SPRED1: variants seen among roughly 807,000 people sequenced by gnomAD.
The protein encoded by SPRED1 is sprouty-related, EVH1 domain-containing protein 1.
A neutral mutation model predicts 52.3 loss-of-function variants in SPRED1; 18 were observed. That is an observed-to-expected ratio of 0.34 (90% CI 0.24 to 0.51). The LOEUF is 0.51. Among genes scored for constraint, SPRED1 ranks in the 20% least tolerant of loss-of-function variants. SPRED1 has a pLI of 0.97. For synonymous variants in SPRED1, 155 were observed against 179.7 expected (o/e 0.86, Z 1.10); for missense variants, 485 against 551.0 (o/e 0.88, Z 1.20).
chr15:38,335,971 A>C (rs1364435239), intron 4 of SPRED1, among the ~76,000 whole-genome samples: 2 of 152,146 alleles, frequency 1.3e-5, no homozygotes, highest in Non-Finnish European at 2.9e-5. Context: ...ATGTAAAAGC[A>C]GGCTTACAAA....
Position 38,252,923 on chromosome 15 carries a change from G to C in SPRED1, c.-263G>C, listed in dbSNP as rs1259798869. 5.2e-6 allele frequency: 3 copies of C among 575,526 alleles called. No individual in the cohort carries two copies. Among genetic ancestry groups the C allele is most frequent in the South Asian group, 2.0e-5 (1 of 49,996 alleles). 35.7% of individuals were successfully genotyped at this position (575,526 alleles called of 1,614,324 possible). ...TTTTCCCTTTCCACCGGGCCTCCTC[G>C]GATCCCTTGGCTGGGCACTGAGGCG... On this transcript the variant is annotated 5_prime_UTR_variant, in exon 1 of 7. Coordinates refer to ENST00000299084, the MANE Select transcript of SPRED1 (RefSeq NM_152594.3).
At chr15:38,350,947 C>T in intron 6 of SPRED1, 67 bp from the exon 7 acceptor site, 1 of 1,468,512 alleles carries the variant, frequency 6.8e-7, no homozygotes, top group Non-Finnish European at 9.3e-7. Context: ...ACACTGGCCC[C>T]ACCAAGGTGA....
intron 4 of SPRED1, among the ~76,000 whole-genome samples, chr15:38,337,399 A>G (rs766213600): frequency 1.3e-5 from 2 of 152,168 alleles, no homozygotes; most frequent in African/African-American, 2.4e-5. Flanking sequence ...TTTGTTTGCC[A>G]TATCAGACAC....
rs1435399553 is a variant in SPRED1, at chr15:38,273,708, C to T, written c.32+20491C>T. Among the ~76,000 whole-genome samples, 1 of 151,886 alleles carries T rather than the reference C, an allele frequency of 6.6e-6. No individual in the cohort carries two copies. The highest frequency in any genetic ancestry group is 1.5e-5 in the Non-Finnish European group (1 of 67,974). Reference sequence around the variant, plus strand: ...TAATTTGTAGCTAAATGATAATTAGCCCAGTTGGGTCTGGCATGAGATGTA... The same window carrying T: ...TAATTTGTAGCTAAATGATAATTAGTCCAGTTGGGTCTGGCATGAGATGTA... On this transcript the variant is annotated intron_variant, in intron 1 of 6. Coordinates refer to ENST00000299084, the MANE Select transcript of SPRED1 (RefSeq NM_152594.3).
intron 5 of SPRED1, among the ~76,000 whole-genome samples, chr15:38,341,549 A>T (rs924504901): frequency 6.6e-6 from 1 of 152,154 alleles, no homozygotes; most frequent in Non-Finnish European, 1.5e-5. Flanking sequence ...CAGAGGTAGA[A>T]TGAATAAAGA....
intron 2 of SPRED1, among the ~76,000 whole-genome samples, chr15:38,303,689 A>C (rs953252428): frequency 8.6e-5 from 13 of 151,988 alleles, no homozygotes; most frequent in Admixed American, 7.2e-4. Flanking sequence ...AAATATTATA[A>C]ATTTGCTAGT....
intron 1 of SPRED1, among the ~76,000 whole-genome samples, chr15:38,296,741 C>A (rs1296831257): frequency 6.6e-6 from 1 of 152,144 alleles, no homozygotes; most frequent in Non-Finnish European, 1.5e-5. Flanking sequence ...TCAGTATTAC[C>A]TCTCACCTGG....
chr15:38,265,138 A>G (rs1894282192), intron 1 of SPRED1, among the ~76,000 whole-genome samples: 1 of 152,208 alleles, frequency 6.6e-6, no homozygotes, highest in African/African-American at 2.4e-5. Flanking sequence ...GTTCACAACT[A>G]ACATAATCCT....
chr15:38,282,916 T>G (rs1359395295), intron 1 of SPRED1, among the ~76,000 whole-genome samples: 2 of 152,120 alleles, frequency 1.3e-5, no homozygotes, highest in Admixed American at 6.6e-5. Flanking sequence ...TGACACTGAT[T>G]TGAATCTAGT....
At chr15:38,337,508 T>C (rs1895945769) in intron 4 of SPRED1, among the ~76,000 whole-genome samples, 1 of 152,192 alleles carries the variant, frequency 6.6e-6, no homozygotes, top group Admixed American at 6.5e-5. Flanking sequence ...AATAGGTTAA[T>C]TCCAGCTATA....
intron 4 of SPRED1, among the ~76,000 whole-genome samples, chr15:38,329,126 T>C (rs1310956365): frequency 1.3e-5 from 2 of 152,134 alleles, no homozygotes; most frequent in African/African-American, 4.8e-5. Context: ...TGTTCAGATA[T>C]GCTGGATTGA....
chr15:38,351,287 A>C lies in SPRED1; in HGVS notation c.958A>C (p.Ile320Leu). Reference protein sequence around the residue: ...VFKTQPSSLKIKKSKRRKEDG... With the variant: ...VFKTQPSSLKLKKSKRRKEDG... The stretch of plus-strand genomic sequence containing the variant: ...TAAGACGCAGCCTTCCTCATTAAAA[A>C]TTAAGAAGTCAAAACGAAGAAAAGA... Residue 320 changes from isoleucine (I) to leucine (L), a missense_variant, in exon 7 of 7, where the codon ATT becomes CTT. Ile to Leu is a conservative substitution (Grantham distance 5). Around this residue, in one of 5 missense-constraint regions of SPRED1, gnomAD observed 205 missense variants for 245.2 expected, o/e 0.84. Transcript: ENST00000299084. 6.2e-7 allele frequency: 1 copy of C among 1,614,158 alleles called. No individual in the cohort carries two copies. Among genetic ancestry groups the C allele is most frequent in the Non-Finnish European group, 8.5e-7 (1 of 1,180,026 alleles).
intron 4 of SPRED1, among the ~76,000 whole-genome samples, chr15:38,336,436 AATAT>A (rs1895921845): frequency 3.1e-5 from 1 of 32,746 alleles, no homozygotes; most frequent in African/African-American, 5.9e-5. Context: ...ATATATATAT[AATAT>A]TATATATATG....
chr15:38,341,760 C>T (rs190496645), intron 5 of SPRED1, among the ~76,000 whole-genome samples: 7 of 151,984 alleles, frequency 4.6e-5, no homozygotes, highest in Admixed American at 4.6e-4. Context: ...TGGTTGATGG[C>T]CCAGCATATA....
At chr15:38,296,842 G>T (rs1276200389) in intron 1 of SPRED1, among the ~76,000 whole-genome samples, 1 of 152,166 alleles carries the variant, frequency 6.6e-6, no homozygotes, top group East Asian at 1.9e-4. Context: ...GTGTTAGGAG[G>T]TGCGGCCTTT....
intron 1 of SPRED1, among the ~76,000 whole-genome samples, chr15:38,278,723 A>G (rs911651661): frequency 1.3e-5 from 2 of 151,490 alleles, no homozygotes; most frequent in Non-Finnish European, 2.9e-5. Flanking sequence ...ATACAATGCA[A>G]ATGCTGTGTA....
intron 1 of SPRED1, among the ~76,000 whole-genome samples, chr15:38,296,717 C>A (rs80048879): frequency 6.6e-6 from 1 of 152,126 alleles, no homozygotes; most frequent in Non-Finnish European, 1.5e-5. Context: ...CCATTGTTAT[C>A]GTCCTAGTTC....
intron 1 of SPRED1, among the ~76,000 whole-genome samples, chr15:38,278,193 T>C (rs898923308): frequency 1.3e-5 from 2 of 152,108 alleles, no homozygotes; most frequent in African/African-American, 4.8e-5. Context: ...TAGAAATTAT[T>C]ACTCCTGGCT....
chr15:38,297,520 G>T (rs1007229182), intron 1 of SPRED1, among the ~76,000 whole-genome samples: 2 of 152,162 alleles, frequency 1.3e-5, no homozygotes, highest in East Asian at 3.8e-4. Context: ...AGATTGGCAA[G>T]AATTGGGTCC....
Sources: allele counts gnomAD v4.1 joint callset (sites outside exome capture counted in the v4.1 genomes callset), GRCh38; gene constraint gnomAD v4.1.1; regional missense constraint gnomAD v4.1.1; transcripts MANE v1.5; gene names NCBI Gene and HGNC (gene_info 2026-07-23, HGNC 2026-07-21).